The following PALM2AKAP2 variants were observed in gnomAD, a reference collection of about 807,000 sequenced individuals.
The protein encoded by PALM2AKAP2 is PALM2 and AKAP2 fusion, also known as PALM2-AKAP2 fusion protein.
A neutral mutation model predicts 71.5 loss-of-function variants in PALM2AKAP2; 37 were observed. The observed-to-expected ratio is 0.52, with a 90% CI of 0.40 to 0.68. The LOEUF (loss-of-function observed/expected upper bound fraction) is 0.68, where lower values mean the gene tolerates loss of function less well. PALM2AKAP2 is among the 30% of genes least tolerant of loss of function. The pLI, the probability that PALM2AKAP2 is intolerant of heterozygous loss-of-function variation, is 0.00. For synonymous variants in PALM2AKAP2, 468 were observed against 478.8 expected (o/e 0.98, Z 0.29); for missense variants, 1,224 against 1,191.8 (o/e 1.03, Z -0.40).
intron 1 of PALM2AKAP2, among the ~76,000 whole-genome samples, chr9:109,717,316 C>T (rs1254249544): frequency 6.6e-6 from 1 of 152,126 alleles, no homozygotes; most frequent in African/African-American, 2.4e-5. Context: ...CAGTTCATGG[C>T]CTATCTGCTT....
intron 7 of PALM2AKAP2, among the ~76,000 whole-genome samples, chr9:110,017,690 A>G (rs1833004669): frequency 6.6e-6 from 1 of 151,996 alleles, no homozygotes; most frequent in Admixed American, 6.6e-5. Flanking sequence ...AGTAGTCAGA[A>G]AGACTGGAGT....
intron 1 of PALM2AKAP2, among the ~76,000 whole-genome samples, chr9:109,855,200 G>A (rs755811504): frequency 2.6e-5 from 4 of 152,122 alleles, no homozygotes; most frequent in Non-Finnish European, 5.9e-5. Flanking sequence ...AGCCTCCTGA[G>A]TAGTTGGGAT....
At chr9:109,878,329 T>A (rs1829763165) in intron 2 of PALM2AKAP2, among the ~76,000 whole-genome samples, 1 of 152,222 alleles carries the variant, frequency 6.6e-6, no homozygotes, top group African/African-American at 2.4e-5. Context: ...CATAGCTGTT[T>A]ACGCATATTG....
At chr9:109,960,376 T>C (rs919172768) in intron 6 of PALM2AKAP2, among the ~76,000 whole-genome samples, 2 of 152,216 alleles carry the variant, frequency 1.3e-5, no homozygotes, top group Non-Finnish European at 2.9e-5. Context: ...AAATACTAAT[T>C]TTTTAGTTCC....
At chr9:109,930,549 C>T (rs1337646307) in intron 5 of PALM2AKAP2, among the ~76,000 whole-genome samples, 1 of 152,210 alleles carries the variant, frequency 6.6e-6, no homozygotes, top group African/African-American at 2.4e-5. Flanking sequence ...CTTAGCGATA[C>T]TCTACCTTTG....
At chr9:110,099,340 T>G (rs1834934830) in intron 1 of PALM2AKAP2, among the ~76,000 whole-genome samples, 2 of 152,246 alleles carry the variant, frequency 1.3e-5, no homozygotes, top group Non-Finnish European at 2.9e-5. Context: ...GATTTCTTCC[T>G]TCTACTGACA....
At chr9:110,004,380 A>G (rs1055230322) in intron 6 of PALM2AKAP2, among the ~76,000 whole-genome samples, 1 of 152,136 alleles carries the variant, frequency 6.6e-6, no homozygotes, top group African/African-American at 2.4e-5. Flanking sequence ...TGGCTTGTAG[A>G]GTTTCTGCTG....
At chr9:109,760,206 C>T (rs189531027) in intron 1 of PALM2AKAP2, among the ~76,000 whole-genome samples, 8 of 152,112 alleles carry the variant, frequency 5.3e-5, no homozygotes, top group African/African-American at 1.7e-4. Context: ...AAATTAAACA[C>T]GGGAAATAAT....
chr9:109,794,884 C>A (rs1394355927), intron 1 of PALM2AKAP2, among the ~76,000 whole-genome samples: 4 of 152,196 alleles, frequency 2.6e-5, no homozygotes, highest in Non-Finnish European at 5.9e-5. Flanking sequence ...GTACTTGCGT[C>A]GGCCCTGTGG....
At chr9:109,815,714 G>C (rs921458905) in intron 1 of PALM2AKAP2, among the ~76,000 whole-genome samples, 2 of 152,206 alleles carry the variant, frequency 1.3e-5, no homozygotes, top group African/African-American at 4.8e-5. Flanking sequence ...AGGTTGTGGA[G>C]TGTGGAGTTC....
intron 1 of PALM2AKAP2, among the ~76,000 whole-genome samples, chr9:109,815,654 A>T (rs1432045968): frequency 6.6e-6 from 1 of 152,212 alleles, no homozygotes; most frequent in African/African-American, 2.4e-5. Flanking sequence ...GAACATACCA[A>T]CTAGAAGGTA....
At chr9:109,654,665 G>C (rs192758489) in intron 1 of PALM2AKAP2, among the ~76,000 whole-genome samples, 4 of 152,014 alleles carry the variant, frequency 2.6e-5, no homozygotes, top group Non-Finnish European at 5.9e-5. Context: ...TATCAGGATG[G>C]TGTGTCTATG....
At chr9:109,950,512 G>C (rs755900184) in intron 6 of PALM2AKAP2, among the ~76,000 whole-genome samples, 2 of 152,004 alleles carry the variant, frequency 1.3e-5, no homozygotes, top group Non-Finnish European at 2.9e-5. Flanking sequence ...CCCTACACCT[G>C]CTCCTCTGTC....
intron 1 of PALM2AKAP2, among the ~76,000 whole-genome samples, chr9:109,766,991 A>G (rs1039459821): frequency 7.9e-5 from 12 of 151,336 alleles, no homozygotes; most frequent in South Asian, 4.2e-4. Context: ...AGTGCTTAGT[A>G]CCTGCCAGAC....
intron 1 of PALM2AKAP2, among the ~76,000 whole-genome samples, chr9:109,680,252 C>G (rs910056386): frequency 6.6e-6 from 1 of 152,118 alleles, no homozygotes; most frequent in African/African-American, 2.4e-5. Context: ...TGAACGAAGC[C>G]CGGGCACACA....
intron 1 of PALM2AKAP2, among the ~76,000 whole-genome samples, chr9:109,673,429 G>T (rs1827604544): frequency 6.6e-6 from 1 of 151,938 alleles, no homozygotes; most frequent in Non-Finnish European, 1.5e-5. Context: ...AAATTTCTTG[G>T]TTTTGATTTC....
intron 1 of PALM2AKAP2, among the ~76,000 whole-genome samples, chr9:110,086,880 A>G (rs776197729): frequency 9.9e-5 from 15 of 152,224 alleles, no homozygotes; most frequent in Non-Finnish European, 1.8e-4. Context: ...CCCTAGGAAG[A>G]AGACCCCAAA....
chr9:109,993,257 C>T (rs187993462), intron 6 of PALM2AKAP2, among the ~76,000 whole-genome samples: 6 of 151,822 alleles, frequency 4.0e-5, no homozygotes, highest in Admixed American at 1.3e-4. Context: ...GGTTGGACTC[C>T]ATTTCCCAGC....
chr9:109,834,238 G>A (rs1477001017), intron 1 of PALM2AKAP2, among the ~76,000 whole-genome samples: 4 of 152,000 alleles, frequency 2.6e-5, no homozygotes, highest in Admixed American at 1.3e-4. Context: ...AAACAGAAAA[G>A]AATGTCATTT....
Sources: gnomAD v4.1 joint callset for allele counts (sites outside exome capture counted in the v4.1 genomes callset) on GRCh38, gnomAD v4.1.1 for gene constraint, MANE v1.5 for transcripts, NCBI Gene and HGNC (gene_info 2026-07-23, HGNC 2026-07-21) for gene names.